Variants in SHISA9 observed in about 807,000 individuals in gnomAD.
SHISA9 encodes shisa family member 9, also known as protein shisa-9.
In SHISA9, 13 loss-of-function variants were observed where a neutral mutation model predicts 38.0. The ratio of observed to expected loss-of-function variants is 0.34; its 90% CI spans 0.22 to 0.54. The LOEUF is 0.54. SHISA9 is among the 20% of genes least tolerant of loss of function. The probability of loss-of-function intolerance (pLI) is 0.91; values close to 1 mark genes in which losing one functional copy is unlikely to be tolerated. For synonymous variants in SHISA9, 275 were observed against 242.0 expected (o/e 1.14, Z -1.27); for missense variants, 538 against 575.8 (o/e 0.93, Z 0.67).
At position 12,908,173 on chromosome 16, in the gene SHISA9, T is replaced by A. The variant is rs115207143; in HGVS notation, c.563+5546T>A. On this transcript the variant is annotated intron_variant, in intron 1 of 4. Transcript: ENST00000558583. ...CATCATCCTTATTATTGACATTTTT[T>A]ACCTCTTGTCTACTGAAGAGAATTA... is the stretch of plus-strand genomic sequence containing the variant. Among the ~76,000 whole-genome samples, 1,409 of 152,272 alleles carry A rather than the reference T, an allele frequency of 9.3e-3. 23 individuals carry two copies. The highest frequency in any genetic ancestry group is 0.031 in the African/African-American group (1,302 of 41,552).
chr16:13,151,789 T>C (rs1359832142), intron 2 of SHISA9, among the ~76,000 whole-genome samples: 1 of 152,216 alleles, frequency 6.6e-6, no homozygotes, highest in African/African-American at 2.4e-5. Flanking sequence ...TTACTAGTCT[T>C]GAATTGCTAT....
intron 1 of SHISA9, among the ~76,000 whole-genome samples, chr16:12,915,281 T>G (rs946263588): frequency 5.9e-5 from 9 of 152,254 alleles, no homozygotes; most frequent in African/African-American, 2.2e-4. Context: ...GTCAACATAG[T>G]AAGACCCTGA....
chr16:13,174,848 AAAAG>A (rs2050717803), intron 2 of SHISA9, among the ~76,000 whole-genome samples: 1 of 152,210 alleles, frequency 6.6e-6, no homozygotes, highest in Non-Finnish European at 1.5e-5. Context: ...CTGAGATAGA[AAAAG>A]AAAGACTCCT....
At chr16:13,027,069 G>A (rs139559132) in intron 2 of SHISA9, among the ~76,000 whole-genome samples, 1,604 of 152,254 alleles carry the variant, frequency 0.011, 38 homozygotes, top group African/African-American at 0.037. Context: ...TGGGTCTTTT[G>A]GGGTATAGCC....
chr16:13,083,450 C>G (rs778486914), intron 2 of SHISA9, among the ~76,000 whole-genome samples: 14 of 152,100 alleles, frequency 9.2e-5, no homozygotes, highest in Non-Finnish European at 1.8e-4. Flanking sequence ...GATTCTTGTG[C>G]AAGTGATTTA....
chr16:13,262,883 G>A, the SHISA9 span, among the ~76,000 whole-genome samples: 4 of 152,102 alleles, frequency 2.6e-5, no homozygotes, highest in African/African-American at 4.8e-5. Flanking sequence ...AAGTTACAGG[G>A]AGAGCATTAA....
At chr16:13,113,055 CA>C (rs2073995206) in intron 2 of SHISA9, among the ~76,000 whole-genome samples, 1 of 151,602 alleles carries the variant, frequency 6.6e-6, no homozygotes, top group Admixed American at 6.6e-5. Flanking sequence ...ATTAAAAATA[CA>C]AAAATTAGCC....
chr16:13,492,346 C>G, the SHISA9 span, among the ~76,000 whole-genome samples: 2 of 152,118 alleles, frequency 1.3e-5, no homozygotes, highest in African/African-American at 4.8e-5. Flanking sequence ...GTGAGGTTAA[C>G]GGTGTTCTTG....
At chr16:13,128,331 C>T (rs1201561497) in intron 2 of SHISA9, among the ~76,000 whole-genome samples, 1 of 152,176 alleles carries the variant, frequency 6.6e-6, no homozygotes, top group Non-Finnish European at 1.5e-5. Flanking sequence ...GCCCTTCTAA[C>T]AAACCTATCA....
intron 2 of SHISA9, among the ~76,000 whole-genome samples, chr16:13,019,820 CTT>C (rs2072807662): frequency 2.3e-5 from 3 of 129,148 alleles, no homozygotes; most frequent in African/African-American, 3.0e-5. Context: ...TTCTTTCTTT[CTT>C]TCTTTCTTTC....
chr16:13,470,121 T>C, the SHISA9 span, among the ~76,000 whole-genome samples: 1 of 152,202 alleles, frequency 6.6e-6, no homozygotes, highest in Non-Finnish European at 1.5e-5. Flanking sequence ...TTTAATATTT[T>C]TATTTATTCA....
intron 2 of SHISA9, among the ~76,000 whole-genome samples, chr16:13,043,729 T>C (rs1322172605): frequency 6.6e-6 from 1 of 151,948 alleles, no homozygotes; most frequent in Non-Finnish European, 1.5e-5. Flanking sequence ...TCAGGTCTTC[T>C]GCTGTTCTCT....
At chr16:12,905,553 G>A (rs2071081107) in intron 1 of SHISA9, among the ~76,000 whole-genome samples, 1 of 152,000 alleles carries the variant, frequency 6.6e-6, no homozygotes, top group African/African-American at 2.4e-5. Context: ...ATTAATCCAG[G>A]AGAAAGGAGA....
chr16:13,356,239 T>G, the SHISA9 span, among the ~76,000 whole-genome samples: 1 of 152,222 alleles, frequency 6.6e-6, no homozygotes, highest in African/African-American at 2.4e-5. Flanking sequence ...TTTTGGAGTT[T>G]TATTTAATGT....
the SHISA9 span, among the ~76,000 whole-genome samples, chr16:13,373,997 C>G: frequency 6.6e-6 from 1 of 152,114 alleles, no homozygotes; most frequent in African/African-American, 2.4e-5. Flanking sequence ...TGGTAATGAT[C>G]ACTTGGGGAA....
intron 2 of SHISA9, among the ~76,000 whole-genome samples, chr16:13,181,265 TTTTATATATATATATATATATATA>T (rs2050774402): frequency 3.3e-5 from 3 of 91,616 alleles, no homozygotes; most frequent in African/African-American, 1.3e-4. Context: ...TAAAATAAAA[TTTTATATATATATATATATATATA>T]TATATATATA....
chr16:13,229,497 C>T (rs1007647678), intron 4 of SHISA9, among the ~76,000 whole-genome samples: 1 of 152,168 alleles, frequency 6.6e-6, no homozygotes, highest in Non-Finnish European at 1.5e-5. Context: ...GAGGCTATCC[C>T]TGTGGTTCTC....
the SHISA9 span, among the ~76,000 whole-genome samples, chr16:13,348,768 C>G: frequency 6.6e-6 from 1 of 152,026 alleles, no homozygotes; most frequent in South Asian, 2.1e-4. Context: ...GAGGTCCGAT[C>G]TGCATTTGTA....
the SHISA9 span, among the ~76,000 whole-genome samples, chr16:13,531,335 A>G: frequency 6.6e-6 from 1 of 152,248 alleles, no homozygotes; most frequent in African/African-American, 2.4e-5. Context: ...AAACAACAGC[A>G]GCCACAATAA....
Sources: allele counts gnomAD v4.1 joint callset (sites outside exome capture counted in the v4.1 genomes callset), GRCh38; gene constraint gnomAD v4.1.1; transcripts MANE v1.5; gene names NCBI Gene and HGNC (gene_info 2026-07-23, HGNC 2026-07-21).